DDAH1: variants seen among roughly 807,000 people sequenced by gnomAD.
DDAH1 encodes N(G),N(G)-dimethylarginine dimethylaminohydrolase 1.
In DDAH1, 19 loss-of-function variants were observed where a neutral mutation model predicts 28.8. The observed-to-expected ratio is 0.66, with a 90% CI of 0.46 to 0.97. DDAH1 has a LOEUF of 0.97. DDAH1 is among the 50% of genes least tolerant of loss of function. DDAH1 has a pLI of 0.00. For synonymous variants in DDAH1, 153 were observed against 154.4 expected (o/e 0.99, Z 0.07); for missense variants, 326 against 375.9 (o/e 0.87, Z 1.10).
chr1:85,398,537 A>T (rs1651917503), intron 1 of DDAH1: 1 of 152,202 alleles, frequency 6.6e-6, no homozygotes, highest in Admixed American at 6.5e-5. Context: ...AAAAATGCTA[A>T]GCTGGACAAC....
intron 2 of DDAH1, among the ~76,000 whole-genome samples, chr1:85,486,057 G>T (rs1348023955): frequency 2.0e-5 from 3 of 152,176 alleles, no homozygotes; most frequent in Non-Finnish European, 4.4e-5. Flanking sequence ...TAACTACAAA[G>T]TGGTTGAGTT....
chr1:85,429,068 A>C (rs1653547078), intron 1 of DDAH1, among the ~76,000 whole-genome samples: 1 of 151,846 alleles, frequency 6.6e-6, no homozygotes, highest in Admixed American at 6.6e-5. Flanking sequence ...TAGTATGTGC[A>C]GGTTTGTTAC....
intron 1 of DDAH1, among the ~76,000 whole-genome samples, chr1:85,367,049 G>C (rs1650114359): frequency 6.6e-6 from 1 of 151,926 alleles, no homozygotes; most frequent in Non-Finnish European, 1.5e-5. Flanking sequence ...ATCAACTTTG[G>C]GTTCATTCCC....
chr1:85,404,563 AG>A, intron 1 of DDAH1: 1 of 1,349,746 alleles, frequency 7.4e-7, no homozygotes, highest in East Asian at 2.7e-5. Context: ...AAAAAATAGG[AG>A]TTCATTTTCC....
chr1:85,523,468 G>C (rs1230645419), intron 1 of DDAH1, among the ~76,000 whole-genome samples: 1 of 152,096 alleles, frequency 6.6e-6, no homozygotes, highest in Non-Finnish European at 1.5e-5. Context: ...GACTAATTCT[G>C]GTATTTGCTT....
intron 1 of DDAH1, among the ~76,000 whole-genome samples, chr1:85,574,424 G>A (rs12034319): frequency 0.21 from 31,998 of 152,142 alleles, 3,698 homozygotes; most frequent in South Asian, 0.48. Context: ...GTTTTCAGAA[G>A]GAATCCTATG....
rs527466795 is a variant in DDAH1 at position 85,577,604 on chromosome 1, T to G, written c.-123+380A>C. 3.3e-4 allele frequency among the ~76,000 whole-genome samples: 50 copies of G among 151,538 alleles called. 3 individuals are homozygous for G. In the South Asian group the frequency reaches 0.01, roughly 31 times the overall value. On this transcript the variant is annotated intron_variant, in intron 1 of 6. Coordinates refer to the DDAH1 transcript ENST00000426972. ...GTTAGAAATGTAACTAATCAGAAACTCTGGGGTGGGAACCCAGAGAACCAT... is the reference window on the plus strand; with the variant it reads ...GTTAGAAATGTAACTAATCAGAAACGCTGGGGTGGGAACCCAGAGAACCAT...
intron 2 of DDAH1, among the ~76,000 whole-genome samples, chr1:85,480,241 T>G (rs1201258470): frequency 2.0e-5 from 3 of 152,212 alleles, no homozygotes; most frequent in Non-Finnish European, 4.4e-5. Context: ...AGGCTTAAAC[T>G]GCTCCCTTCC....
intron 1 of DDAH1, among the ~76,000 whole-genome samples, chr1:85,424,022 G>A (rs1357375344): frequency 2.0e-5 from 3 of 152,084 alleles, no homozygotes; most frequent in African/African-American, 7.2e-5. Flanking sequence ...GGATTACACT[G>A]GTTTTCAAAT....
chr1:85,404,578 C>T, intron 1 of DDAH1: 1 of 1,339,448 alleles, frequency 7.5e-7, no homozygotes, highest in Non-Finnish European at 9.6e-7. Flanking sequence ...ATTTTCCAGA[C>T]TCTTGTGGGA....
intron 1 of DDAH1, among the ~76,000 whole-genome samples, chr1:85,565,270 C>T (rs1659263631): frequency 6.6e-6 from 1 of 152,046 alleles, no homozygotes; most frequent in Non-Finnish European, 1.5e-5. Context: ...CAACATAAGC[C>T]AGAAGCAGCA....
chr1:85,359,550 G>A (rs1438736867), intron 1 of DDAH1, among the ~76,000 whole-genome samples: 4 of 152,150 alleles, frequency 2.6e-5, no homozygotes, highest in Non-Finnish European at 5.9e-5. Flanking sequence ...ATACATGGAA[G>A]GAATATCAAT....
chr1:85,554,565 T>G (rs1658906608), intron 1 of DDAH1, among the ~76,000 whole-genome samples: 1 of 152,226 alleles, frequency 6.6e-6, no homozygotes, highest in Non-Finnish European at 1.5e-5. Context: ...AGTCTTAACT[T>G]TGTCTCTACT....
At chr1:85,564,259 A>G (rs1229971693) in intron 1 of DDAH1, among the ~76,000 whole-genome samples, 1 of 152,166 alleles carries the variant, frequency 6.6e-6, no homozygotes, top group African/African-American at 2.4e-5. Context: ...CAGATTATAT[A>G]CCTCCCATAA....
At chr1:85,433,653 A>AT (rs1382395565) in intron 1 of DDAH1, among the ~76,000 whole-genome samples, 1 of 152,110 alleles carries the variant, frequency 6.6e-6, no homozygotes, top group African/African-American at 2.4e-5. Context: ...AAGCTTGTGT[A>AT]TTTTTCTATT....
intron 1 of DDAH1, among the ~76,000 whole-genome samples, chr1:85,409,733 T>C (rs1442750291): frequency 2.0e-5 from 3 of 152,194 alleles, no homozygotes; most frequent in Admixed American, 1.3e-4. Flanking sequence ...TTTCATGCTG[T>C]TTCAGCATTA....
chr1:85,537,769 A>C (rs1327797897), intron 1 of DDAH1, among the ~76,000 whole-genome samples: 2 of 151,310 alleles, frequency 1.3e-5, no homozygotes, highest in African/African-American at 2.4e-5. Flanking sequence ...GACTCAGTAA[A>C]TTATAATCTT....
intron 1 of DDAH1, among the ~76,000 whole-genome samples, chr1:85,377,557 T>C (rs1026202356): frequency 2.6e-5 from 4 of 152,176 alleles, no homozygotes; most frequent in Non-Finnish European, 5.9e-5. Context: ...TTTTTAGACG[T>C]TTCCATACAA....
At chr1:85,438,810 T>C (rs752923125) in intron 1 of DDAH1, among the ~76,000 whole-genome samples, 1 of 152,216 alleles carries the variant, frequency 6.6e-6, no homozygotes, top group Non-Finnish European at 1.5e-5. Context: ...AGGTATGATA[T>C]ACTGATACCT....
Sources: gnomAD v4.1 joint callset for allele counts (sites outside exome capture counted in the v4.1 genomes callset) on GRCh38, gnomAD v4.1.1 for gene constraint, MANE v1.5 for transcripts, NCBI Gene and HGNC (gene_info 2026-07-23, HGNC 2026-07-21) for gene names.